Variants in TRAF3 observed in about 807,000 individuals in gnomAD.
TRAF3 encodes TNF receptor-associated factor 3.
In TRAF3, 13 loss-of-function variants were observed where a neutral mutation model predicts 62.3. The ratio of observed to expected loss-of-function variants is 0.21; its 90% CI spans 0.14 to 0.33. The LOEUF (loss-of-function observed/expected upper bound fraction) is 0.33. TRAF3 is among the 10% of genes least tolerant of loss of function. TRAF3 has a pLI of 1.00. For synonymous variants in TRAF3, 269 were observed against 283.4 expected (o/e 0.95, Z 0.51); for missense variants, 440 against 741.8 (o/e 0.59, Z 4.73).
chr14:102,899,400 T>C (rs1794488158), intron 10 of TRAF3, among the ~76,000 whole-genome samples: 1 of 152,150 alleles, frequency 6.6e-6, no homozygotes. Flanking sequence ...CCCCACTGTT[T>C]CATCCTCAGA....
rs528748971 is a variant in TRAF3 at position 102,845,212 on chromosome 14, T to A, written c.-18+14740T>A. 3.8e-5 allele frequency among the ~76,000 whole-genome samples: 5 copies of A among 133,152 alleles called. No homozygotes were observed. In the South Asian group the frequency reaches 1.2e-3, roughly 32 times the overall value. 87.4% of individuals were successfully genotyped at this position (133,152 alleles called of 152,430 possible). On this transcript the variant is annotated intron_variant, in intron 2 of 11. Transcript: ENST00000392745. ...TGCCCGGCCCTAAAAATTTTTTGTT[T>A]TTTTTTTTGAGATGGAGTCTCACTT...
chr14:102,894,640 G>A (rs1468180444), intron 9 of TRAF3, among the ~76,000 whole-genome samples: 2 of 152,228 alleles, frequency 1.3e-5, no homozygotes, highest in Non-Finnish European at 2.9e-5. Context: ...AAATAAATAA[G>A]TAGTTTAAAT....
chr14:102,834,267 A>G (rs1247534181), intron 2 of TRAF3, among the ~76,000 whole-genome samples: 1 of 152,178 alleles, frequency 6.6e-6, no homozygotes, highest in Non-Finnish European at 1.5e-5. Flanking sequence ...ATGGAACAAA[A>G]GAGAGAGCCC....
intron 1 of TRAF3, among the ~76,000 whole-genome samples, chr14:102,828,128 GGT>G (rs1360960794): frequency 6.6e-6 from 1 of 152,260 alleles, no homozygotes; most frequent in Non-Finnish European, 1.5e-5. Context: ...CTAGGAGACA[GGT>G]AGGAAATCTA....
chr14:102,851,335 T>C (rs575713755), intron 2 of TRAF3, among the ~76,000 whole-genome samples: 9 of 152,210 alleles, frequency 5.9e-5, no homozygotes, highest in African/African-American at 2.4e-5. Flanking sequence ...CTTCCAAATA[T>C]GCAATCTCAC....
intron 2 of TRAF3, among the ~76,000 whole-genome samples, chr14:102,834,687 C>CAAAAAAAA (rs35056615): frequency 5.5e-5 from 3 of 54,268 alleles, no homozygotes; most frequent in African/African-American, 7.8e-5. Flanking sequence ...GACTCCGTCT[C>CAAAAAAAA]AAAAAAAAAA....
At chr14:102,862,756 A>T (rs1887755101) in intron 2 of TRAF3, among the ~76,000 whole-genome samples, 1 of 152,044 alleles carries the variant, frequency 6.6e-6, no homozygotes, top group South Asian at 2.1e-4. Flanking sequence ...GGTACAATTG[A>T]TGGTGTCCCA....
At chr14:102,836,034 G>A (rs1021297739) in intron 2 of TRAF3, among the ~76,000 whole-genome samples, 3 of 152,190 alleles carry the variant, frequency 2.0e-5, no homozygotes, top group Non-Finnish European at 2.9e-5. Flanking sequence ...GCACTCCATC[G>A]TGGGTGACAG....
chr14:102,822,796 A>G (rs1295858221), intron 1 of TRAF3, among the ~76,000 whole-genome samples: 2 of 152,188 alleles, frequency 1.3e-5, no homozygotes, highest in African/African-American at 4.8e-5. Flanking sequence ...ACCTGAGGTC[A>G]GGAGTTCGAG....
chr14:102,836,023 T>A (rs949509232), intron 2 of TRAF3, among the ~76,000 whole-genome samples: 5 of 152,232 alleles, frequency 3.3e-5, no homozygotes, highest in African/African-American at 1.2e-4. Context: ...ATTGTGCCAC[T>A]GCACTCCATC....
chr14:102,882,020 GT>G (rs1889098180), intron 6 of TRAF3, among the ~76,000 whole-genome samples: 1 of 152,206 alleles, frequency 6.6e-6, no homozygotes, highest in East Asian at 1.9e-4. Context: ...TCAGTTTGCA[GT>G]CTGATGAGAG....
intron 1 of TRAF3, among the ~76,000 whole-genome samples, chr14:102,782,104 A>G (rs1897297450): frequency 6.6e-6 from 1 of 150,984 alleles, no homozygotes; most frequent in Non-Finnish European, 1.5e-5. Flanking sequence ...TTCCCAGCTG[A>G]TTTTTGTATT....
At chr14:102,857,583 C>G (rs1887445858) in intron 2 of TRAF3, among the ~76,000 whole-genome samples, 1 of 152,216 alleles carries the variant, frequency 6.6e-6, no homozygotes, top group Non-Finnish European at 1.5e-5. Context: ...AATTCCTCTC[C>G]TCTTGAGGTC....
intron 2 of TRAF3, among the ~76,000 whole-genome samples, chr14:102,868,126 T>C (rs1429033355): frequency 6.6e-6 from 1 of 152,182 alleles, no homozygotes; most frequent in Non-Finnish European, 1.5e-5. Flanking sequence ...CTTATTTTTC[T>C]AAGTAGCAAA....
chr14:102,821,630 A>G (rs1426687570), intron 1 of TRAF3, among the ~76,000 whole-genome samples: 2 of 152,228 alleles, frequency 1.3e-5, no homozygotes, highest in African/African-American at 4.8e-5. Flanking sequence ...TATTATGTTT[A>G]TGGAATTGGA....
At chr14:102,780,823 G>T (rs1295342426) in intron 1 of TRAF3, among the ~76,000 whole-genome samples, 2 of 152,170 alleles carry the variant, frequency 1.3e-5, no homozygotes. Flanking sequence ...GATTTGCAGG[G>T]ATATAGGCCA....
intron 1 of TRAF3, among the ~76,000 whole-genome samples, chr14:102,796,538 G>C (rs1036834122): frequency 6.6e-6 from 1 of 152,198 alleles, no homozygotes; most frequent in African/African-American, 2.4e-5. Context: ...AGTGGGGATG[G>C]GGGGTGGACA....
At chr14:102,904,045 G>A (rs1369267286) in intron 11 of TRAF3, among the ~76,000 whole-genome samples, 1 of 152,214 alleles carries the variant, frequency 6.6e-6, no homozygotes, top group East Asian at 1.9e-4. Context: ...TGTGGGTGCT[G>A]AGGCCGGAGG....
At chr14:102,836,408 T>G (rs1595346556) in intron 2 of TRAF3, among the ~76,000 whole-genome samples, 1 of 152,384 alleles carries the variant, frequency 6.6e-6, no homozygotes, top group African/African-American at 2.4e-5. Flanking sequence ...TATTGATTAA[T>G]TTTTGGAGAA....
Sources: allele counts gnomAD v4.1 joint callset (sites outside exome capture counted in the v4.1 genomes callset), GRCh38; gene constraint gnomAD v4.1.1; transcripts MANE v1.5; gene names NCBI Gene and HGNC (gene_info 2026-07-23, HGNC 2026-07-21).